VAV2: variants seen among roughly 807,000 people sequenced by gnomAD.
VAV2 encodes the protein guanine nucleotide exchange factor VAV2.
Under a neutral mutation model 132.5 loss-of-function variants are expected in VAV2, and 67 were observed. The ratio of observed to expected loss-of-function variants is 0.51; its 90% CI spans 0.42 to 0.62. VAV2 has a LOEUF of 0.62. Ranked by LOEUF, VAV2 falls within the 20% of genes least tolerant of loss-of-function variation. The pLI is 0.00. For missense variants in VAV2, 938 were observed against 1,153.6 expected (o/e 0.81, Z 2.71); for synonymous variants, 492 against 443.5 (o/e 1.11, Z -1.37).
chr9:133,785,881 G>T lies in VAV2; in HGVS notation c.1427C>A (p.Ser476Tyr). 1 of 1,613,206 alleles carries T rather than the reference G, an allele frequency of 6.2e-7. No individual in the cohort carries two copies. Among genetic ancestry groups the T allele is most frequent in the Non-Finnish European group, 8.5e-7 (1 of 1,179,600 alleles). The change falls in exon 17 of 30, where the codon TCC becomes TAC. Residue 476 changes from serine (S) to tyrosine (Y), a missense_variant. Coordinates refer to ENST00000371850, the MANE Select transcript of VAV2 (RefSeq NM_001134398.2). Reference protein sequence around the residue: ...DVKKSHGKMWSYGFYLIHLQG... With the variant: ...DVKKSHGKMWYYGFYLIHLQG... ...AAGGTGAATTAGGTAGAAGCCGTAG[G>T]ACCACTGCAGGGGGGAGAGGGGCCA...
At chr9:133,812,306 A>C in intron 4 of VAV2, 90 bp from the exon 5 acceptor site, 1 of 1,335,554 alleles carries the variant, frequency 7.5e-7, no homozygotes, top group Non-Finnish European at 1.1e-6. Context: ...CGAGGGACGC[A>C]GGCGGCTGGG....
At chr9:133,844,270 G>A (rs1588257887) in intron 3 of VAV2, among the ~76,000 whole-genome samples, 1 of 152,320 alleles carries the variant, frequency 6.6e-6, no homozygotes, top group Non-Finnish European at 1.5e-5. Flanking sequence ...AACCTCGGCT[G>A]GCACCGGTTT....
intron 2 of VAV2, among the ~76,000 whole-genome samples, chr9:133,925,515 G>A (rs1840444962): frequency 6.6e-6 from 1 of 152,244 alleles, no homozygotes. Context: ...ACTGTACCTG[G>A]TCACAGTAAT....
At chr9:133,771,074 T>A (rs1833607437) in intron 26 of VAV2, among the ~76,000 whole-genome samples, 1 of 149,294 alleles carries the variant, frequency 6.7e-6, no homozygotes. Context: ...TTTTTTTTTT[T>A]TTTTTTTGAG....
In VAV2 at chr9:133,794,059, G is replaced by A. The variant is rs1056107963; in HGVS notation, c.1101+1609C>T. Among the ~76,000 whole-genome samples the A allele has an allele frequency of 6.6e-6, 1 of 152,074 alleles. No homozygotes were observed. Among genetic ancestry groups the A allele is most frequent in the Non-Finnish European group, 1.5e-5 (1 of 68,018 alleles). ...TACACTCCTGGGAAACCATCCCGTC[G>A]AGGGGCTCAGAGCCACTCGCCAGCC... On this transcript the variant is annotated intron_variant, in intron 12 of 29. Coordinates refer to ENST00000371850, the MANE Select transcript of VAV2 (RefSeq NM_001134398.2). This position sits in a 1 kb window ranked among gnomAD's most constrained non-coding sequence, Gnocchi z 4.6.
chr9:133,808,984 C>G, intron 7 of VAV2, 56 bp downstream of exon 7: 1 of 1,524,462 alleles, frequency 6.6e-7, no homozygotes, highest in East Asian at 2.3e-5. Context: ...GATAGGTGGC[C>G]CTGCAGTGAC....
chr9:133,763,845 C>G lies in VAV2; in HGVS notation c.*217G>C. 1.7e-6 allele frequency: 1 copy of G among 588,602 alleles called. No homozygotes were observed. The highest frequency in any genetic ancestry group is 3.0e-6 in the Non-Finnish European group (1 of 334,004). The allele number at this position is 588,602 out of a possible 1,614,324, so 36.5% of individuals were successfully genotyped here. A position where few individuals can be genotyped will look rare whatever the true frequency, so the allele number is the denominator to read the frequency against. ...TGGGTGGGGCTAGCCCAGGTTTCCT[C>G]TATGTACAATAGCATACCCAGTGAT... On this transcript the variant is annotated 3_prime_UTR_variant, in exon 30 of 30. Transcript: ENST00000371850. The surrounding 1 kb of genome is among the most constrained non-coding windows in gnomAD (Gnocchi z 6.8).
chr9:133,970,854 A>G (rs1050418140), intron 1 of VAV2, among the ~76,000 whole-genome samples: 11 of 152,302 alleles, frequency 7.2e-5, no homozygotes, highest in African/African-American at 2.6e-4. Context: ...TCTTGCTTTA[A>G]TCTACAGCCT....
At chr9:133,941,136 A>G (rs1016224091) in intron 1 of VAV2, among the ~76,000 whole-genome samples, 1 of 152,184 alleles carries the variant, frequency 6.6e-6, no homozygotes, top group Non-Finnish European at 1.5e-5. Flanking sequence ...GGCTGGGCGC[A>G]GCAGCTCACG....
chr9:133,915,840 A>T (rs1374684215), intron 2 of VAV2, among the ~76,000 whole-genome samples: 1 of 144,982 alleles, frequency 6.9e-6, no homozygotes, highest in African/African-American at 2.6e-5. Flanking sequence ...ACGTGCACAC[A>T]CAACGCACAC....
At chr9:133,783,673 C>T in intron 18 of VAV2, 82 bp from the exon 19 acceptor site, 1 of 1,304,248 alleles carries the variant, frequency 7.7e-7, no homozygotes. Context: ...GCCCTTGTCC[C>T]CACCCAGGCT....
intron 3 of VAV2, among the ~76,000 whole-genome samples, chr9:133,841,356 G>C (rs1416789540): frequency 6.6e-6 from 1 of 152,040 alleles, no homozygotes; most frequent in Non-Finnish European, 1.5e-5. Flanking sequence ...GTGACCCCAT[G>C]TGGCAGCGAA....
At chr9:133,950,781 C>T (rs1841532608) in intron 1 of VAV2, among the ~76,000 whole-genome samples, 1 of 152,174 alleles carries the variant, frequency 6.6e-6, no homozygotes, top group Non-Finnish European at 1.5e-5. Context: ...CACAAGCCAT[C>T]TGTGAAACGG....
intron 2 of VAV2, among the ~76,000 whole-genome samples, chr9:133,909,709 C>G: frequency 6.6e-6 from 1 of 152,168 alleles, no homozygotes; most frequent in East Asian, 1.9e-4. Flanking sequence ...GGCAGACACA[C>G]GGTGTGTGAG....
chr9:133,867,393 G>A (rs1837848884), intron 2 of VAV2, among the ~76,000 whole-genome samples: 1 of 152,226 alleles, frequency 6.6e-6, no homozygotes, highest in African/African-American at 2.4e-5. Flanking sequence ...AAGCCACTGA[G>A]TGCCCCCATG....
chr9:133,841,693 A>G (rs1308598063), intron 3 of VAV2, among the ~76,000 whole-genome samples: 2 of 152,330 alleles, frequency 1.3e-5, no homozygotes, highest in East Asian at 3.9e-4. Context: ...GGGGAGAGCT[A>G]AGAGCAAGGC....
intron 1 of VAV2, among the ~76,000 whole-genome samples, chr9:133,943,775 C>T (rs1365225938): frequency 6.6e-6 from 1 of 152,240 alleles, no homozygotes; most frequent in Non-Finnish European, 1.5e-5. Context: ...CTTGTCCAGG[C>T]TCTGGCGCTG....
At chr9:133,970,642 G>A (rs541492448) in intron 1 of VAV2, among the ~76,000 whole-genome samples, 85 of 152,268 alleles carry the variant, frequency 5.6e-4, no homozygotes, top group Non-Finnish European at 1.1e-3. Flanking sequence ...CTCCAACTTC[G>A]AAGCCCAGCC....
Position 133,787,249 on chromosome 9 carries a change from T to C in VAV2, c.1419A>G (p.Lys473=). 1.3e-6 allele frequency: 2 copies of C among 1,586,940 alleles called. No homozygotes were observed. Among genetic ancestry groups the C allele is most frequent in the South Asian group, 2.3e-5 (2 of 87,270 alleles). ...NNKDVKKSHG[K]MWSYGFYLIH... ...GACCTGGGCGCTAGGTGCTTACCAT[T>C]TTCCCGTGAGACTAGGAAGCATGGA... The change falls in exon 16 of 30, where the codon AAA becomes AAG. Residue 473 remains lysine (K), a synonymous_variant. Transcript: ENST00000371850.
Sources: gnomAD v4.1 joint callset for allele counts (sites outside exome capture counted in the v4.1 genomes callset) on GRCh38, gnomAD v4.1.1 for gene constraint, Gnocchi (gnomAD v3.1) non-coding constraint, MANE v1.5 for transcripts, NCBI Gene and HGNC (gene_info 2026-07-23, HGNC 2026-07-21) for gene names.